The following IGSF11 variants were observed in gnomAD, a reference collection of about 807,000 sequenced individuals.
IGSF11 encodes the protein CXADR like 1.
A neutral mutation model predicts 41.0 loss-of-function variants in IGSF11; 22 were observed. That is an observed-to-expected ratio of 0.54 (90% confidence interval 0.38 to 0.77). IGSF11 has a LOEUF of 0.77. Among genes scored for constraint, IGSF11 ranks in the 30% least tolerant of loss-of-function variants. The probability of loss-of-function intolerance (pLI) is 0.00; values close to 1 mark genes in which losing one functional copy is unlikely to be tolerated. For synonymous variants in IGSF11, 219 were observed against 201.3 expected (o/e 1.09, Z -0.74); for missense variants, 444 against 530.8 (o/e 0.84, Z 1.61).
Position 119,063,393 on chromosome 3 carries a change from C to T in IGSF11, c.49+41751G>A, listed in dbSNP as rs191937821. On this transcript the variant is annotated intron_variant, in intron 1 of 6. Coordinates refer to the IGSF11 transcript ENST00000354673. ...TGAGATATTTTGAAGCAAAACTGTGCATTTTAATTCCCCTTTGTAAATCAT... is the reference window on the plus strand; with the variant it reads ...TGAGATATTTTGAAGCAAAACTGTGTATTTTAATTCCCCTTTGTAAATCAT... Among the ~76,000 whole-genome samples the T allele has an allele frequency of 1.2e-4, 18 of 152,290 alleles. No homozygotes were observed. In the South Asian group the frequency reaches 2.3e-3, roughly 19 times the overall value.
chr3:119,111,353 A>G (rs1158292024), intron 1 of IGSF11, among the ~76,000 whole-genome samples: 7 of 152,026 alleles, frequency 4.6e-5, no homozygotes, highest in African/African-American at 1.2e-4. Flanking sequence ...ATCTTCCATC[A>G]CTGATACCCT....
At chr3:118,952,357 C>T (rs1944637481) in intron 1 of IGSF11, among the ~76,000 whole-genome samples, 1 of 152,126 alleles carries the variant, frequency 6.6e-6, no homozygotes, top group South Asian at 2.1e-4. Context: ...GCAGGCAATG[C>T]TGTTTGATAG....
rs1489229334 is a variant in IGSF11 at position 118,902,539 on chromosome 3, C to T, written c.1277G>A (p.Arg426Gln). 3.7e-6 allele frequency: 6 copies of T among 1,613,350 alleles called. No homozygotes were observed. The highest frequency in any genetic ancestry group is 2.7e-5 in the African/African-American group (2 of 74,816). ...CATGTCCTATACCAAGGACCCGGCCCGACTCTGGGCTGGTACCATGACAGG... is the reference window on the plus strand; with the variant it reads ...CATGTCCTATACCAAGGACCCGGCCTGACTCTGGGCTGGTACCATGACAGG... ...AVPVMVPAQSRAGSLV is the reference protein window; with the variant it reads ...AVPVMVPAQSQAGSLV The change falls in exon 7 of 7, where the codon CGG (arginine) becomes CAG (glutamine). Residue 426 changes from arginine to glutamine, a missense_variant. Physicochemically the swap from Arg to Gln is conservative, Grantham distance 43. Around this residue, in one of 3 missense-constraint regions of IGSF11, gnomAD observed 223 missense variants for 226.2 expected, o/e 0.99. Transcript: ENST00000393775.
intron 1 of IGSF11, among the ~76,000 whole-genome samples, chr3:118,973,615 A>G (rs1366357513): frequency 6.6e-6 from 1 of 151,804 alleles, no homozygotes; most frequent in Non-Finnish European, 1.5e-5. Flanking sequence ...TTGCTACACT[A>G]TAAAAAACTA....
intron 1 of IGSF11, among the ~76,000 whole-genome samples, chr3:119,046,830 G>A (rs1174919490): frequency 6.7e-6 from 1 of 149,750 alleles, no homozygotes; most frequent in African/African-American, 2.4e-5. Context: ...GAAGAGAGTG[G>A]GGGCCAATAT....
intron 1 of IGSF11, among the ~76,000 whole-genome samples, chr3:119,075,857 T>A (rs1189811236): frequency 1.3e-5 from 2 of 152,210 alleles, no homozygotes; most frequent in East Asian, 3.8e-4. Context: ...ATAGATTCAA[T>A]GCCATCCCCA....
chr3:118,973,278 C>T (rs1346936093), intron 1 of IGSF11, among the ~76,000 whole-genome samples: 1 of 152,130 alleles, frequency 6.6e-6, no homozygotes, highest in Non-Finnish European at 1.5e-5. Flanking sequence ...CATGGACATC[C>T]CCTAGAATTA....
intron 1 of IGSF11, among the ~76,000 whole-genome samples, chr3:119,080,195 C>G (rs940263530): frequency 6.6e-6 from 1 of 152,106 alleles, no homozygotes. Context: ...TTAGCTGAAA[C>G]CCCTAGAAGA....
chr3:118,902,372 G>A lies in IGSF11; in HGVS notation c.*148C>T. On this transcript the variant is annotated 3_prime_UTR_variant, in exon 7 of 7. Coordinates refer to ENST00000393775, the MANE Select transcript of IGSF11 (RefSeq NM_001015887.3). ...TCAGTCCATTTTACACATCTTAGTG[G>A]CCAAGTAACAGCACTGCCTTCTTCT... 1 of 637,304 alleles carries A rather than the reference G, an allele frequency of 1.6e-6. No homozygotes were observed. The allele number at this position is 637,304 out of a possible 1,614,324, so 39.5% of individuals were successfully genotyped here.
chr3:119,000,826 T>C (rs1190137860), intron 1 of IGSF11, among the ~76,000 whole-genome samples: 6 of 152,180 alleles, frequency 3.9e-5, no homozygotes. Context: ...AATCCTAATA[T>C]ATTAGCCAGA....
At chr3:119,062,968 T>C (rs1440668602) in intron 1 of IGSF11, among the ~76,000 whole-genome samples, 1 of 152,158 alleles carries the variant, frequency 6.6e-6, no homozygotes, top group African/African-American at 2.4e-5. Flanking sequence ...GGACTAAACA[T>C]AGGACAGGAA....
chr3:119,008,024 C>G (rs1321010136), intron 1 of IGSF11, among the ~76,000 whole-genome samples: 2 of 152,154 alleles, frequency 1.3e-5, no homozygotes, highest in Non-Finnish European at 2.9e-5. Context: ...CCATGTTAAT[C>G]TACTCCATTC....
chr3:118,982,582 G>A (rs1934843973), intron 1 of IGSF11, among the ~76,000 whole-genome samples: 2 of 152,050 alleles, frequency 1.3e-5, no homozygotes. Flanking sequence ...ACCAAAACAT[G>A]CATTTACATA....
At chr3:118,966,254 A>G (rs1037734628) in intron 1 of IGSF11, among the ~76,000 whole-genome samples, 1 of 152,208 alleles carries the variant, frequency 6.6e-6, no homozygotes, top group Non-Finnish European at 1.5e-5. Flanking sequence ...ATGTATTGTG[A>G]TCTTCACAAA....
At chr3:119,129,600 A>G (rs1485071527) in intron 1 of IGSF11, among the ~76,000 whole-genome samples, 2 of 152,212 alleles carry the variant, frequency 1.3e-5, no homozygotes, top group African/African-American at 2.4e-5. Context: ...AACAGTGTTA[A>G]GTTGCTATAA....
chr3:119,055,867 G>A (rs1474340901), intron 1 of IGSF11, among the ~76,000 whole-genome samples: 1 of 152,204 alleles, frequency 6.6e-6, no homozygotes, highest in African/African-American at 2.4e-5. Flanking sequence ...GCTCCTGAAT[G>A]ACTACTGGGT....
At position 119,093,199 on chromosome 3, in the gene IGSF11, G is replaced by A. The variant is rs568683551; in HGVS notation, c.49+11945C>T. Among the ~76,000 whole-genome samples, 143 of 152,318 alleles carry A rather than the reference G, an allele frequency of 9.4e-4. 1 individual carries two copies. Among genetic ancestry groups the A allele is most frequent in the Non-Finnish European group, 1.7e-3 (118 of 68,030 alleles). ...GCACACCCTGTGTTAACTCACAGAA[G>A]ACACTAAAGATTGCTGAGCTACGTC... On this transcript the variant is annotated intron_variant, in intron 1 of 6. Transcript: ENST00000354673.
intron 1 of IGSF11, among the ~76,000 whole-genome samples, chr3:119,026,354 C>T (rs1247273385): frequency 2.6e-5 from 4 of 152,176 alleles, no homozygotes; most frequent in African/African-American, 9.7e-5. Context: ...CATTCTATTA[C>T]GGATACCAGC....
intron 1 of IGSF11, among the ~76,000 whole-genome samples, chr3:119,000,254 T>G (rs923277032): frequency 1.3e-5 from 2 of 150,616 alleles, no homozygotes; most frequent in African/African-American, 4.9e-5. Context: ...ACTCATATTA[T>G]TTGATGATTC....
Sources: allele counts gnomAD v4.1 joint callset (sites outside exome capture counted in the v4.1 genomes callset), GRCh38; gene constraint gnomAD v4.1.1; regional missense constraint gnomAD v4.1.1; transcripts MANE v1.5; gene names NCBI Gene and HGNC (gene_info 2026-07-23, HGNC 2026-07-21).